Variants in LHFPL3 observed in about 807,000 individuals in gnomAD.
LHFPL3 encodes LHFPL tetraspan subfamily member 3 protein.
In LHFPL3, 5 loss-of-function variants were observed where a neutral mutation model predicts 19.3. The ratio of observed to expected loss-of-function variants is 0.26; its 90% CI spans 0.14 to 0.54. The LOEUF is 0.54. LHFPL3 is among the 20% of genes least tolerant of loss of function. LHFPL3 has a pLI of 0.94. For synonymous variants in LHFPL3, 133 were observed against 126.2 expected (o/e 1.05, Z -0.36); for missense variants, 249 against 307.4 (o/e 0.81, Z 1.42).
intron 2 of LHFPL3, among the ~76,000 whole-genome samples, chr7:104,892,575 G>GT (rs1792272041): frequency 6.6e-6 from 1 of 151,850 alleles, no homozygotes; most frequent in African/African-American, 2.4e-5. Flanking sequence ...GCCAGGTGTG[G>GT]TGGCGGGCAC....
intron 1 of LHFPL3, among the ~76,000 whole-genome samples, chr7:104,562,017 C>G (rs1467474061): frequency 1.3e-5 from 2 of 152,128 alleles, no homozygotes; most frequent in Non-Finnish European, 2.9e-5. Flanking sequence ...GGCCCCCACT[C>G]TCTTCTGGCT....
intron 1 of LHFPL3, among the ~76,000 whole-genome samples, chr7:104,389,406 G>A (rs1791015411): frequency 6.6e-6 from 1 of 152,110 alleles, no homozygotes; most frequent in Non-Finnish European, 1.5e-5. Context: ...CATGTGTATA[G>A]ACCAGACGAC....
chr7:104,627,286 G>T (rs563900598), intron 1 of LHFPL3, among the ~76,000 whole-genome samples: 1 of 152,194 alleles, frequency 6.6e-6, no homozygotes, highest in South Asian at 2.1e-4. Context: ...CATTCATGTT[G>T]TTGCAAAAGG....
intron 1 of LHFPL3, among the ~76,000 whole-genome samples, chr7:104,553,365 T>C (rs1006672080): frequency 6.6e-6 from 1 of 152,152 alleles, no homozygotes. Context: ...CTTTACCACC[T>C]TTCCATTTTA....
chr7:104,704,662 G>A (rs916260395), intron 1 of LHFPL3, among the ~76,000 whole-genome samples: 1 of 147,836 alleles, frequency 6.8e-6, no homozygotes, highest in South Asian at 2.1e-4. Flanking sequence ...TTTTGACAGG[G>A]TCTCACTCTA....
chr7:104,532,318 C>CTTTTTTTTTTTTTTTTTTTTTTTT (rs71155504), intron 1 of LHFPL3, among the ~76,000 whole-genome samples: 36 of 87,226 alleles, frequency 4.1e-4, no homozygotes, highest in Admixed American at 6.4e-4. Context: ...TTCTTTCTGT[C>CTTTTTTTTTTTTTTTTTTTTTTTT]TTTTTTTTTT....
At position 104,698,292 on chromosome 7, in the gene LHFPL3, C is replaced by T. The variant is rs1793034288; in HGVS notation, c.446-38383C>T. On this transcript the variant is annotated intron_variant, in intron 1 of 2. Transcript: ENST00000424859. ...CCTGATAATATCTTACATTAGATCT[C>T]CCTTTCCCACATAGTAGCAAGAAAA... Among the ~76,000 whole-genome samples the T allele has an allele frequency of 2.6e-5, 4 of 152,306 alleles. No individual in the cohort carries two copies. In the South Asian group the frequency reaches 8.3e-4, roughly 32 times the overall value.
chr7:104,350,081 G>A (rs921215453), intron 1 of LHFPL3, among the ~76,000 whole-genome samples: 10 of 152,134 alleles, frequency 6.6e-5, no homozygotes, highest in Non-Finnish European at 1.3e-4. Flanking sequence ...ACAAGGAAAT[G>A]GAGGCACAGA....
At chr7:104,335,342 G>A (rs1435633511) in intron 1 of LHFPL3, among the ~76,000 whole-genome samples, 1 of 152,106 alleles carries the variant, frequency 6.6e-6, no homozygotes, top group Non-Finnish European at 1.5e-5. Flanking sequence ...GCCAGTGAGG[G>A]CAGTTTTTGT....
chr7:104,347,945 A>T (rs2116382164), intron 1 of LHFPL3, among the ~76,000 whole-genome samples: 1 of 152,168 alleles, frequency 6.6e-6, no homozygotes, highest in Non-Finnish European at 1.5e-5. Context: ...CACAAAACTG[A>T]TGTCACAATC....
At chr7:104,633,733 C>A (rs796687367) in intron 1 of LHFPL3, among the ~76,000 whole-genome samples, 13 of 152,268 alleles carry the variant, frequency 8.5e-5, no homozygotes, top group African/African-American at 3.1e-4. Flanking sequence ...TTTAATTTAT[C>A]TTTTTAATCT....
chr7:104,532,769 T>C (rs1794326216), intron 1 of LHFPL3, among the ~76,000 whole-genome samples: 1 of 152,164 alleles, frequency 6.6e-6, no homozygotes, highest in South Asian at 2.1e-4. Flanking sequence ...ATCACAAAAA[T>C]TATCTTAGCA....
chr7:104,719,965 T>C (rs116759239), intron 1 of LHFPL3, among the ~76,000 whole-genome samples: 1,624 of 152,266 alleles, frequency 0.011, 37 homozygotes, highest in African/African-American at 0.037. Flanking sequence ...CAGCCTCCTA[T>C]TTCCGAACCT....
chr7:104,701,716 G>A (rs1398583054), intron 1 of LHFPL3, among the ~76,000 whole-genome samples: 1 of 151,866 alleles, frequency 6.6e-6, no homozygotes, highest in Non-Finnish European at 1.5e-5. Flanking sequence ...TTATCTTTGA[G>A]GTTCTATAAT....
At chr7:104,795,990 C>T (rs566318960) in intron 2 of LHFPL3, among the ~76,000 whole-genome samples, 1 of 152,170 alleles carries the variant, frequency 6.6e-6, no homozygotes, top group African/African-American at 2.4e-5. Context: ...AAGCCCACCC[C>T]TGCCCACCCC....
intron 1 of LHFPL3, among the ~76,000 whole-genome samples, chr7:104,504,595 G>A (rs1793661277): frequency 6.6e-6 from 1 of 152,074 alleles, no homozygotes; most frequent in Non-Finnish European, 1.5e-5. Flanking sequence ...CCTGATTCTG[G>A]GTTATGAATA....
chr7:104,378,196 C>G (rs769141366), intron 1 of LHFPL3, among the ~76,000 whole-genome samples: 8 of 152,138 alleles, frequency 5.3e-5, no homozygotes, highest in Non-Finnish European at 1.2e-4. Flanking sequence ...ATATTTCTAG[C>G]ACCCCTAACA....
intron 2 of LHFPL3, among the ~76,000 whole-genome samples, chr7:104,851,109 A>G (rs1791407827): frequency 6.6e-6 from 1 of 152,234 alleles, no homozygotes. Flanking sequence ...CTCAGCAAGT[A>G]TATCATAGTG....
At chr7:104,354,354 T>A (rs1790233596) in intron 1 of LHFPL3, among the ~76,000 whole-genome samples, 1 of 152,226 alleles carries the variant, frequency 6.6e-6, no homozygotes, top group South Asian at 2.1e-4. Flanking sequence ...AGTGGACATC[T>A]TGTACACATT....
Sources: gnomAD v4.1 joint callset for allele counts (sites outside exome capture counted in the v4.1 genomes callset) on GRCh38, gnomAD v4.1.1 for gene constraint, MANE v1.5 for transcripts, NCBI Gene and HGNC (gene_info 2026-07-23, HGNC 2026-07-21) for gene names.